Variants in PTPRQ observed in about 807,000 individuals in gnomAD.
PTPRQ encodes phosphatidylinositol phosphatase PTPRQ.
Under a neutral mutation model 246.0 loss-of-function variants are expected in PTPRQ, and 199 were observed. That is an observed-to-expected ratio of 0.81 (90% confidence interval 0.72 to 0.91). The LOEUF is 0.91. PTPRQ is among the 40% of genes least tolerant of loss of function. The pLI, the probability that PTPRQ is intolerant of heterozygous loss-of-function variation, is 0.00. For missense variants in PTPRQ, 2,624 were observed against 2,528.4 expected, an observed-to-expected ratio of 1.04 and a Z score of -0.81; for synonymous variants, 869 against 853.2, an observed-to-expected ratio of 1.02 and a Z score of -0.32.
At chr12:80,547,434 T>C (rs1011183194) in intron 24 of PTPRQ, among the ~76,000 whole-genome samples, 52 of 152,138 alleles carry the variant, frequency 3.4e-4, no homozygotes, top group Non-Finnish European at 5.3e-4. Context: ...TCATTTCTTC[T>C]TATCAGCTCT....
intron 27 of PTPRQ, among the ~76,000 whole-genome samples, chr12:80,606,418 T>C (rs1443574721): frequency 1.3e-5 from 2 of 150,946 alleles, no homozygotes; most frequent in Non-Finnish European, 1.5e-5. Flanking sequence ...TAGATAGCCA[T>C]TTGGATGGAA....
At chr12:80,534,773 GCTT>G in intron 18 of PTPRQ, 116 bp from the exon 19 acceptor site, 1 of 1,270,632 alleles carries the variant, frequency 7.9e-7, no homozygotes, top group Non-Finnish European at 1.1e-6. Flanking sequence ...TCTAATTCAA[GCTT>G]TTTTGAAAAA....
intron 44 of PTPRQ, 25 bp downstream of exon 44, chr12:80,678,750 C>A (rs1393044407): frequency 3.2e-5 from 49 of 1,532,588 alleles, no homozygotes; most frequent in Non-Finnish European, 4.1e-5. Context: ...CAGTATATGC[C>A]CAGCTTACTA....
chr12:80,469,945 A>G (rs1323401221), intron 7 of PTPRQ, among the ~76,000 whole-genome samples: 1 of 152,222 alleles, frequency 6.6e-6, no homozygotes, highest in African/African-American at 2.4e-5. Flanking sequence ...TGTGGGGTAA[A>G]TACATGATTG....
At chr12:80,628,412 A>G (rs2121157247) in intron 33 of PTPRQ, among the ~76,000 whole-genome samples, 1 of 152,296 alleles carries the variant, frequency 6.6e-6, no homozygotes, top group East Asian at 1.9e-4. Context: ...AAGCATTAAT[A>G]CGTGCCTATT....
At chr12:80,488,913 T>G (rs1894363356) in intron 9 of PTPRQ, among the ~76,000 whole-genome samples, 3 of 152,150 alleles carry the variant, frequency 2.0e-5, no homozygotes, top group Admixed American at 1.3e-4. Context: ...GGGTTTGAGA[T>G]CTTTTATTTC....
At chr12:80,662,331 T>G (rs1480844511) in intron 39 of PTPRQ, among the ~76,000 whole-genome samples, 1 of 152,086 alleles carries the variant, frequency 6.6e-6, no homozygotes, top group East Asian at 1.9e-4. Context: ...AATATTTAAA[T>G]TACTTTTTTA....
chr12:80,552,775 A>C (rs1326465833), intron 25 of PTPRQ, among the ~76,000 whole-genome samples: 1 of 149,226 alleles, frequency 6.7e-6, no homozygotes, highest in East Asian at 2.0e-4. Flanking sequence ...TCAAAGAATT[A>C]AGCAGTTATT....
At chr12:80,567,020 TTG>T (rs1259441607) in intron 25 of PTPRQ, among the ~76,000 whole-genome samples, 3 of 152,208 alleles carry the variant, frequency 2.0e-5, no homozygotes, top group African/African-American at 7.2e-5. Context: ...ATGTTAAAAG[TTG>T]TGTGTGCACC....
At chr12:80,511,392 GGAA>G (rs1235938319) in intron 17 of PTPRQ, among the ~76,000 whole-genome samples, 2 of 152,054 alleles carry the variant, frequency 1.3e-5, no homozygotes, top group Non-Finnish European at 2.9e-5. Context: ...AAGGAAGCAG[GGAA>G]GAAGGTTACC....
At chr12:80,501,391 T>C (rs1252506896) in intron 14 of PTPRQ, among the ~76,000 whole-genome samples, 1 of 152,016 alleles carries the variant, frequency 6.6e-6, no homozygotes, top group Non-Finnish European at 1.5e-5. Context: ...TAGTGCCATT[T>C]ACTTAGATGG....
At chr12:80,548,068 T>C (rs1273195831) in intron 24 of PTPRQ, among the ~76,000 whole-genome samples, 1 of 152,140 alleles carries the variant, frequency 6.6e-6, no homozygotes, top group East Asian at 1.9e-4. Context: ...TAAAAAAATA[T>C]TTTAATAATA....
rs1895946140 is a variant in PTPRQ at position 80,535,040 on chromosome 12, A to G, written c.2985+3A>G. ...ATACTTCAGGTACTTTTATGCAGGT[A>G]AGAACTGAATTTTCTTCTAGTTCTT... is the stretch of plus-strand genomic sequence containing the variant. On this transcript the variant is annotated splice_donor_region_variant and intron_variant, in intron 19 of 44. Coordinates refer to ENST00000644991, the MANE Select transcript of PTPRQ (RefSeq NM_001145026.2). The G allele has an allele frequency of 6.6e-7, 1 of 1,510,216 alleles. No homozygotes were observed. The highest frequency in any genetic ancestry group is 1.4e-5 in the African/African-American group (1 of 70,422). 93.6% of individuals were successfully genotyped at this position (1,510,216 alleles called of 1,614,324 possible).
At chr12:80,633,812 A>G (rs1259402257) in intron 34 of PTPRQ, among the ~76,000 whole-genome samples, 1 of 152,182 alleles carries the variant, frequency 6.6e-6, no homozygotes, top group African/African-American at 2.4e-5. Flanking sequence ...GACTGGCCAC[A>G]TTTATGTAAT....
intron 25 of PTPRQ, among the ~76,000 whole-genome samples, chr12:80,554,733 TATC>T (rs996361936): frequency 1.7e-4 from 26 of 152,022 alleles, no homozygotes; most frequent in Middle Eastern, 3.4e-3. Flanking sequence ...TCAATTTAAT[TATC>T]ATCATCATCA....
At chr12:80,524,332 T>C (rs1303759081) in intron 17 of PTPRQ, among the ~76,000 whole-genome samples, 1 of 152,138 alleles carries the variant, frequency 6.6e-6, no homozygotes, top group Admixed American at 6.6e-5. Context: ...GTTTCCCCTT[T>C]CGCTTGGCTT....
chr12:80,472,834 C>T (rs1893683758), intron 8 of PTPRQ, among the ~76,000 whole-genome samples: 1 of 152,096 alleles, frequency 6.6e-6, no homozygotes, highest in Admixed American at 6.6e-5. Context: ...TGTTTCCATA[C>T]TATTTCACAA....
At position 80,506,031 on chromosome 12, in the gene PTPRQ, T is replaced by G; in HGVS notation, c.2280T>G (p.Asp760Glu). The change falls in exon 15 of 45, where the codon GAT becomes GAG. Residue 760 changes from aspartate to glutamate, a missense_variant. Physicochemically the swap from Asp to Glu is conservative, Grantham distance 45. Coordinates refer to ENST00000644991, the MANE Select transcript of PTPRQ (RefSeq NM_001145026.2). ...TATTTTTGTTTCTTTCAGTGCCTGATAGTGCACCAGAAAATATCACTTACA... is the reference window on the plus strand; with the variant it reads ...TATTTTTGTTTCTTTCAGTGCCTGAGAGTGCACCAGAAAATATCACTTACA... ...LSVRTSETVPDSAPENITYKN... is the reference protein window; with the variant it reads ...LSVRTSETVPESAPENITYKN... 6.5e-7 allele frequency: 1 copy of G among 1,544,468 alleles called. No individual in the cohort carries two copies.
intron 14 of PTPRQ, among the ~76,000 whole-genome samples, chr12:80,499,282 T>C (rs1894725262): frequency 2.6e-5 from 4 of 152,006 alleles, no homozygotes; most frequent in Admixed American, 6.6e-5. Flanking sequence ...CTTCCTAATA[T>C]CTGGTTCTCT....
Sources: gnomAD v4.1 joint callset for allele counts (sites outside exome capture counted in the v4.1 genomes callset) on GRCh38, gnomAD v4.1.1 for gene constraint, MANE v1.5 for transcripts, NCBI Gene and HGNC (gene_info 2026-07-23, HGNC 2026-07-21) for gene names.